The following USP48 variants were observed in gnomAD, a reference collection of about 807,000 sequenced individuals.
USP48 encodes the protein ubiquitin specific peptidase 48.
A neutral mutation model predicts 150.7 loss-of-function variants in USP48; 43 were observed. The ratio of observed to expected loss-of-function variants is 0.29; its 90% CI spans 0.22 to 0.37. The LOEUF is 0.37. USP48 is among the 10% of genes least tolerant of loss of function. The probability of loss-of-function intolerance (pLI) is 1.00; values close to 1 mark genes in which losing one functional copy is unlikely to be tolerated. For missense variants in USP48, 813 were observed against 1,249.6 expected (o/e 0.65, Z 5.27); for synonymous variants, 396 against 425.9 (o/e 0.93, Z 0.86).
At chr1:21,681,635 T>C (rs904226042) in intron 25 of USP48, among the ~76,000 whole-genome samples, 13 of 152,178 alleles carry the variant, frequency 8.5e-5, no homozygotes, top group Non-Finnish European at 1.8e-4. Flanking sequence ...ACCACTTACA[T>C]AGCACCTGCC....
intron 10 of USP48, 137 bp downstream of exon 10, chr1:21,729,567 A>T: frequency 9.3e-7 from 1 of 1,078,380 alleles, no homozygotes; most frequent in Non-Finnish European, 1.3e-6. Context: ...ATTTGCAATT[A>T]ATATTTACTT....
At position 21,698,721 on chromosome 1, in the gene USP48, C is replaced by T. The variant is rs557274322; in HGVS notation, c.2727+2777G>A. The stretch of plus-strand genomic sequence containing the variant: ...CATCCTGGATATCACGGTGAAACCC[C>T]GTCTCTACTAAAAAATACAAAAAAT... On this transcript the variant is annotated intron_variant, in intron 22 of 26. Coordinates refer to ENST00000308271, the MANE Select transcript of USP48 (RefSeq NM_032236.8). Among the ~76,000 whole-genome samples the T allele has an allele frequency of 1.5e-3, 231 of 152,018 alleles. 2 individuals are homozygous for T. Among genetic ancestry groups the T allele is most frequent in the Middle Eastern group, 0.014 (4 of 294 alleles).
intron 11 of USP48, chr1:21,724,898 C>T (rs1172997894): frequency 6.6e-6 from 1 of 152,104 alleles, no homozygotes; most frequent in East Asian, 1.9e-4. Context: ...AAAGGGCCAG[C>T]TTTGATTACT....
At chr1:21,712,367 C>CAAAA (rs1557473758) in intron 15 of USP48, among the ~76,000 whole-genome samples, 2 of 151,796 alleles carry the variant, frequency 1.3e-5, no homozygotes, top group Non-Finnish European at 2.9e-5. Context: ...TCAAAAAAAA[C>CAAAA]CAAAACAAAA....
chr1:21,723,717 T>C lies in USP48; in HGVS notation c.1648+181A>G, dbSNP rs368269646. On this transcript the variant is annotated intron_variant, in intron 12 of 26. Coordinates refer to ENST00000308271, the MANE Select transcript of USP48 (RefSeq NM_032236.8). Reference sequence around the variant, plus strand: ...CAAACCAAAAAACCCCAACCAACCCTCTATGAATAGCATCAGTTGCTTAAC... The same window carrying C: ...CAAACCAAAAAACCCCAACCAACCCCCTATGAATAGCATCAGTTGCTTAAC... Among the ~76,000 whole-genome samples the C allele has an allele frequency of 5.9e-5, 9 of 152,246 alleles. No homozygotes were observed. The East Asian group carries it at 1.2e-3, about 20-fold the overall frequency.
chr1:21,691,316 CAAAAAAA>C (rs58202473), intron 23 of USP48, among the ~76,000 whole-genome samples: 179 of 83,602 alleles, frequency 2.1e-3, no homozygotes, highest in Middle Eastern at 7.6e-3. Flanking sequence ...CTCCCATCTC[CAAAAAAA>C]AAAAAAAAAA....
chr1:21,693,990 G>T (rs1207521522), intron 23 of USP48, among the ~76,000 whole-genome samples: 2 of 152,142 alleles, frequency 1.3e-5, no homozygotes, highest in African/African-American at 4.8e-5. Context: ...CAACTTTTTG[G>T]ATATCTATCA....
intron 19 of USP48, 118 bp from the exon 20 acceptor site, chr1:21,704,510 G>T: frequency 8.8e-7 from 1 of 1,137,230 alleles, no homozygotes; most frequent in Non-Finnish European, 1.2e-6. Context: ...AAAGGAATTA[G>T]AGAGAAAAGA....
At chr1:21,697,023 C>A (rs1018339859) in intron 22 of USP48, among the ~76,000 whole-genome samples, 1 of 151,998 alleles carries the variant, frequency 6.6e-6, no homozygotes, top group African/African-American at 2.4e-5. Context: ...GATGAGGTAA[C>A]CTCAAGGCCC....
intron 1 of USP48, among the ~76,000 whole-genome samples, chr1:21,771,544 A>C (rs1340308440): frequency 6.6e-6 from 1 of 151,024 alleles, no homozygotes; most frequent in Non-Finnish European, 1.5e-5. Context: ...GCCTTATCAG[A>C]TATTTTTCAA....
chr1:21,712,663 C>T (rs2097693413), intron 15 of USP48, among the ~76,000 whole-genome samples: 2 of 142,864 alleles, frequency 1.4e-5, no homozygotes, highest in South Asian at 4.5e-4. Flanking sequence ...GGGTCTTGCT[C>T]TGTTGCCTAG....
chr1:21,692,172 T>C (rs2097603874), intron 23 of USP48, among the ~76,000 whole-genome samples: 2 of 152,054 alleles, frequency 1.3e-5, no homozygotes, highest in Admixed American at 1.3e-4. Flanking sequence ...CAAAAGAACA[T>C]CAGCGCCTGA....
intron 21 of USP48, among the ~76,000 whole-genome samples, chr1:21,702,231 T>A (rs1285596773): frequency 6.6e-6 from 1 of 152,156 alleles, no homozygotes; most frequent in African/African-American, 2.4e-5. Context: ...AGCAGAACCC[T>A]TGGCCTCCAG....
intron 22 of USP48, among the ~76,000 whole-genome samples, chr1:21,695,562 T>C (rs531847565): frequency 6.6e-6 from 1 of 152,162 alleles, no homozygotes; most frequent in Admixed American, 6.6e-5. Context: ...AACCAAAAAT[T>C]AGCCAGGCGT....
At chr1:21,739,973 G>A (rs920550455) in intron 8 of USP48, among the ~76,000 whole-genome samples, 4 of 152,318 alleles carry the variant, frequency 2.6e-5, no homozygotes, top group South Asian at 2.1e-4. Flanking sequence ...GCGCAATGGC[G>A]CTGTCTGGGC....
At chr1:21,745,861 C>T (rs926711274) in intron 8 of USP48, among the ~76,000 whole-genome samples, 2 of 152,202 alleles carry the variant, frequency 1.3e-5, no homozygotes. Flanking sequence ...CAAACTACTA[C>T]ATAAAGTGAA....
chr1:21,763,100 C>T (rs2097853897), intron 1 of USP48, among the ~76,000 whole-genome samples: 2 of 152,308 alleles, frequency 1.3e-5, no homozygotes, highest in South Asian at 4.1e-4. Flanking sequence ...AAAAGGCAAA[C>T]ACAACCTATG....
At position 21,741,521 on chromosome 1, in the gene USP48, A is replaced by G. The variant is rs908397578; in HGVS notation, c.992-4896T>C. Among the ~76,000 whole-genome samples the G allele has an allele frequency of 5.3e-5, 8 of 152,358 alleles. No individual in the cohort carries two copies. In the South Asian group the frequency reaches 8.3e-4, roughly 16 times the overall value. On this transcript the variant is annotated intron_variant, in intron 8 of 26. Transcript: ENST00000308271. ...ATCTTTCACCCACAGACCCTTACTA[A>G]AAGAATTTTGTAAGCTCTAATTCAA... is the stretch of plus-strand genomic sequence containing the variant.
chr1:21,728,539 C>A, intron 11 of USP48, 31 bp downstream of exon 11: 1 of 1,598,128 alleles, frequency 6.3e-7, no homozygotes, highest in Non-Finnish European at 8.5e-7. Context: ...CACTTAATGG[C>A]AACAGTGCTG....
Sources: gnomAD v4.1 joint callset for allele counts (sites outside exome capture counted in the v4.1 genomes callset) on GRCh38, gnomAD v4.1.1 for gene constraint, MANE v1.5 for transcripts, NCBI Gene and HGNC (gene_info 2026-07-23, HGNC 2026-07-21) for gene names.